Variants in NKIRAS1 observed in about 807,000 individuals in gnomAD.
NKIRAS1 encodes the protein NF-kappa-B inhibitor-interacting Ras-like protein 1.
In NKIRAS1, 16 loss-of-function variants were observed where a neutral mutation model predicts 19.8. The ratio of observed to expected loss-of-function variants is 0.81; its 90% CI spans 0.55 to 1.23. The LOEUF (loss-of-function observed/expected upper bound fraction) is 1.23. NKIRAS1 is among the 50% of genes most tolerant of loss of function. The probability of loss-of-function intolerance (pLI) is 0.00; values close to 1 mark genes in which losing one functional copy is unlikely to be tolerated. For missense variants in NKIRAS1, 184 were observed against 220.0 expected (o/e 0.84, Z 1.04); for synonymous variants, 88 against 79.0 (o/e 1.11, Z -0.61).
chr3:23,945,049 G>A (rs1272032590), intron 1 of NKIRAS1, among the ~76,000 whole-genome samples: 2 of 151,970 alleles, frequency 1.3e-5, no homozygotes, highest in East Asian at 1.9e-4. Flanking sequence ...AATATGCGGC[G>A]GAGGGAAACG....
intron 1 of NKIRAS1, among the ~76,000 whole-genome samples, chr3:23,941,215 TTCACCTTTC>T (rs1422855620): frequency 6.6e-6 from 1 of 152,212 alleles, no homozygotes; most frequent in Non-Finnish European, 1.5e-5. Flanking sequence ...TTTAATAGAC[TTCACCTTTC>T]TCTTTTTTTC....
At chr3:23,899,371 T>C (rs1473716299) in intron 4 of NKIRAS1, among the ~76,000 whole-genome samples, 1 of 152,216 alleles carries the variant, frequency 6.6e-6, no homozygotes, top group Non-Finnish European at 1.5e-5. Flanking sequence ...TGTGACTCTA[T>C]AATTGTCTCA....
At chr3:23,911,566 T>C (rs1703735623) in intron 1 of NKIRAS1, 116 bp from the exon 2 acceptor site, 1 of 152,096 alleles carries the variant, frequency 6.6e-6, no homozygotes, top group African/African-American at 2.4e-5. Flanking sequence ...TCTATAGCAA[T>C]CCAACAGACT....
intron 1 of NKIRAS1, among the ~76,000 whole-genome samples, chr3:23,911,759 C>T (rs1057199587): frequency 6.8e-6 from 1 of 146,526 alleles, no homozygotes; most frequent in Non-Finnish European, 1.5e-5. Context: ...TTGGTAGTCA[C>T]GTGGGCTTTT....
chr3:23,929,801 G>A (rs1326056235), intron 1 of NKIRAS1, among the ~76,000 whole-genome samples: 1 of 151,966 alleles, frequency 6.6e-6, no homozygotes, highest in Admixed American at 6.6e-5. Flanking sequence ...CATAATACTA[G>A]CACATAAGAG....
At chr3:23,930,262 C>T (rs531410747) in intron 1 of NKIRAS1, among the ~76,000 whole-genome samples, 3 of 152,022 alleles carry the variant, frequency 2.0e-5, no homozygotes, top group South Asian at 2.1e-4. Flanking sequence ...ACAGCCATGG[C>T]GGGCTAAAGG....
chr3:23,901,323 G>C (rs538464147), intron 3 of NKIRAS1, among the ~76,000 whole-genome samples: 1 of 151,764 alleles, frequency 6.6e-6, no homozygotes, highest in South Asian at 2.1e-4. Context: ...CTCCCAGCTG[G>C]GACTACAGGT....
chr3:23,902,018 G>A (rs1308626346), intron 3 of NKIRAS1, among the ~76,000 whole-genome samples: 4 of 152,144 alleles, frequency 2.6e-5, no homozygotes, highest in African/African-American at 4.8e-5. Context: ...AGGTTGCAGT[G>A]AGCCGAGATC....
intron 3 of NKIRAS1, among the ~76,000 whole-genome samples, chr3:23,906,508 C>T (rs887137735): frequency 6.6e-6 from 1 of 152,188 alleles, no homozygotes; most frequent in Admixed American, 6.5e-5. Context: ...TTTTCTTTCT[C>T]CTCTGCCACC....
intron 1 of NKIRAS1, among the ~76,000 whole-genome samples, chr3:23,915,564 G>C (rs933280990): frequency 2.0e-5 from 3 of 152,126 alleles, no homozygotes; most frequent in African/African-American, 7.2e-5. Flanking sequence ...AGCAATCCGA[G>C]TTATCTTTTT....
At chr3:23,929,994 G>T (rs1029802472) in intron 1 of NKIRAS1, among the ~76,000 whole-genome samples, 2 of 152,084 alleles carry the variant, frequency 1.3e-5, no homozygotes, top group Non-Finnish European at 2.9e-5. Flanking sequence ...GTAATTGGTG[G>T]AATGGATAAT....
chr3:23,920,707 C>T, upstream of NKIRAS1: 1 of 984,806 alleles, frequency 1.0e-6, no homozygotes, highest in African/African-American at 1.7e-5. Context: ...AATTGATTTC[C>T]AGGAAGTACT....
intron 1 of NKIRAS1, chr3:23,945,591 G>T (rs1404675521): frequency 8.5e-7 from 1 of 1,175,522 alleles, no homozygotes. Flanking sequence ...GGAGGTGAAT[G>T]CAGGTAAGAA....
At chr3:23,921,200 T>G (rs930773978), upstream of NKIRAS1, among the ~76,000 whole-genome samples, 2 of 152,184 alleles carry the variant, frequency 1.3e-5, no homozygotes, top group African/African-American at 4.8e-5. Flanking sequence ...AGGTCAGCAT[T>G]GTCTCTACAA....
At chr3:23,925,126 G>A (rs1705190201) in intron 1 of NKIRAS1, among the ~76,000 whole-genome samples, 2 of 152,156 alleles carry the variant, frequency 1.3e-5, no homozygotes, top group Non-Finnish European at 1.5e-5. Context: ...TGCTTGGAAG[G>A]AGAGAGAGAA....
At chr3:23,920,856 C>T (rs748826461), upstream of NKIRAS1, 3 of 869,838 alleles carry the variant, frequency 3.4e-6, no homozygotes, top group Admixed American at 1.2e-4. Flanking sequence ...AATGGACCTT[C>T]TGTTATTTTT....
At chr3:23,911,679 T>C (rs1234664308) in intron 1 of NKIRAS1, among the ~76,000 whole-genome samples, 1 of 151,760 alleles carries the variant, frequency 6.6e-6, no homozygotes, top group Non-Finnish European at 1.5e-5. Flanking sequence ...TTTTAGAAAA[T>C]GGACATGATT....
At position 23,893,057 on chromosome 3, in the gene NKIRAS1, A is replaced by T. The variant is rs200435563; in HGVS notation, c.*38T>A. ...CCATGTTCACAGACACTTAAAGGCA[A>T]TCACTATTCAACATACAATTGTGGA... On this transcript the variant is annotated 3_prime_UTR_variant, in exon 5 of 5. Coordinates refer to ENST00000425478, the MANE Select transcript of NKIRAS1 (RefSeq NM_020345.4). 75 of 1,511,952 alleles carry T rather than the reference A, an allele frequency of 5.0e-5. 1 individual carries two copies. Among genetic ancestry groups the T allele is most frequent in the Non-Finnish European group, 6.4e-5 (73 of 1,132,568 alleles). 93.7% of individuals were successfully genotyped at this position (1,511,952 alleles called of 1,614,324 possible). A position where few individuals can be genotyped will look rare whatever the true frequency, so the allele number is the denominator to read the frequency against.
At position 23,934,880 on chromosome 3, in the gene NKIRAS1, AT is replaced by A. The variant is rs1236531953; in HGVS notation, c.-140+11442del. ...ATATCAGAAGACTTATTATCTCTGAATTTTTTTAATCTATAGAAGATTGCTT... is the reference window on the plus strand; with the variant it reads ...ATATCAGAAGACTTATTATCTCTGAATTTTTTAATCTATAGAAGATTGCTT... On this transcript the variant is annotated intron_variant, in intron 1 of 4. Transcript: ENST00000421515. Among the ~76,000 whole-genome samples, 12 of 152,220 alleles carry A rather than the reference AT, an allele frequency of 7.9e-5. No individual in the cohort carries two copies. The South Asian group carries it at 1.7e-3, about 21-fold the overall frequency.
Sources: gnomAD v4.1 joint callset for allele counts (sites outside exome capture counted in the v4.1 genomes callset) on GRCh38, gnomAD v4.1.1 for gene constraint, MANE v1.5 for transcripts, NCBI Gene and HGNC (gene_info 2026-07-23, HGNC 2026-07-21) for gene names.